Variants in RNF130 observed in about 807,000 individuals in gnomAD.
The protein encoded by RNF130 is ring finger protein 130, also known as E3 ubiquitin-protein ligase RNF130.
A neutral mutation model predicts 44.6 loss-of-function variants in RNF130; 21 were observed. That is an observed-to-expected ratio of 0.47 (90% CI 0.33 to 0.68). RNF130 has a LOEUF of 0.68. Ranked by LOEUF, RNF130 falls within the 30% of genes least tolerant of loss-of-function variation. RNF130 has a pLI of 0.02. For synonymous variants in RNF130, 214 were observed against 210.4 expected (o/e 1.02, Z -0.15); for missense variants, 479 against 560.6 (o/e 0.85, Z 1.47).
chr5:180,018,483 A>G lies in RNF130; in HGVS notation c.443-5172T>C, dbSNP rs887407601. 2.6e-5 allele frequency among the ~76,000 whole-genome samples: 4 copies of G among 152,072 alleles called. No homozygotes were observed. The East Asian group carries it at 5.8e-4, about 22-fold the overall frequency. The stretch of plus-strand genomic sequence containing the variant: ...GCTTATAAAACCATCAGATCTCATG[A>G]GACTCACTCACTAGCCATGATTCAA... On this transcript the variant is annotated intron_variant, in intron 2 of 8. Coordinates refer to ENST00000521389, the MANE Select transcript of RNF130 (RefSeq NM_018434.6).
chr5:179,930,666 G>A (rs982706066), intron 7 of RNF130, among the ~76,000 whole-genome samples: 7 of 152,164 alleles, frequency 4.6e-5, no homozygotes, highest in African/African-American at 1.2e-4. Context: ...AATGTTTGCT[G>A]TAGTTTTGAA....
At chr5:180,067,419 A>G (rs1765133275) in intron 1 of RNF130, among the ~76,000 whole-genome samples, 1 of 152,252 alleles carries the variant, frequency 6.6e-6, no homozygotes, top group South Asian at 2.1e-4. Context: ...AGAGAAGAGC[A>G]GCAGGAGGAA....
chr5:179,921,570 G>A (rs1346756863), intron 7 of RNF130, among the ~76,000 whole-genome samples: 1 of 152,166 alleles, frequency 6.6e-6, no homozygotes, highest in Non-Finnish European at 1.5e-5. Flanking sequence ...GGCCAAGGCG[G>A]GTGGATCATT....
intron 1 of RNF130, among the ~76,000 whole-genome samples, chr5:180,041,410 A>C (rs1051085040): frequency 6.6e-6 from 1 of 152,140 alleles, no homozygotes; most frequent in Non-Finnish European, 1.5e-5. Flanking sequence ...ACTGTTCTGG[A>C]TTTTTTGGGA....
At chr5:179,960,806 A>G (rs1281436993) in intron 8 of RNF130, among the ~76,000 whole-genome samples, 1 of 151,630 alleles carries the variant, frequency 6.6e-6, no homozygotes, top group Non-Finnish European at 1.5e-5. Context: ...TTACAAATGG[A>G]TGAGGTTACC....
intron 5 of RNF130, among the ~76,000 whole-genome samples, chr5:179,973,622 G>A (rs1302467656): frequency 4.6e-5 from 7 of 152,124 alleles, no homozygotes; most frequent in Admixed American, 2.6e-4. Context: ...GGCCATTCCC[G>A]CACGCCTGAC....
downstream of RNF130, among the ~76,000 whole-genome samples, chr5:179,951,909 G>A (rs950833445): frequency 6.6e-5 from 10 of 152,000 alleles, no homozygotes; most frequent in Non-Finnish European, 1.3e-4. Flanking sequence ...AGTGAAATAG[G>A]ACTCAGAGGG....
intron 2 of RNF130, among the ~76,000 whole-genome samples, chr5:180,017,256 C>T (rs1289613187): frequency 2.0e-5 from 3 of 152,202 alleles, no homozygotes; most frequent in African/African-American, 7.2e-5. Context: ...AAGAATACCA[C>T]AAGGTGATGG....
At chr5:180,006,903 G>A (rs1469467686) in intron 3 of RNF130, among the ~76,000 whole-genome samples, 2 of 152,154 alleles carry the variant, frequency 1.3e-5, no homozygotes, top group Admixed American at 6.5e-5. Context: ...TACACCTATA[G>A]ATAGTAATTA....
chr5:180,010,029 C>T (rs564783833), intron 3 of RNF130, among the ~76,000 whole-genome samples: 1 of 152,044 alleles, frequency 6.6e-6, no homozygotes, highest in African/African-American at 2.4e-5. Context: ...GGGCGGATCA[C>T]AAGGTCAGGA....
intron 1 of RNF130, among the ~76,000 whole-genome samples, chr5:180,062,353 C>A (rs546402361): frequency 6.6e-6 from 1 of 151,820 alleles, no homozygotes; most frequent in Non-Finnish European, 1.5e-5. Context: ...AGCCACTGAG[C>A]CCGGTCCCCC....
chr5:179,960,487 T>A (rs1205691230), intron 8 of RNF130, among the ~76,000 whole-genome samples: 3 of 152,102 alleles, frequency 2.0e-5, no homozygotes, highest in African/African-American at 7.2e-5. Flanking sequence ...CCGAGCGTGG[T>A]GAGGAAGGGA....
At chr5:180,040,781 T>C (rs1764389950) in intron 1 of RNF130, 134 bp from the exon 2 acceptor site, 2 of 710,120 alleles carry the variant, frequency 2.8e-6, no homozygotes, top group Admixed American at 2.9e-5. Context: ...GAGCTATGAA[T>C]ACATCCACAA....
At chr5:180,022,605 G>A (rs1289836374) in intron 2 of RNF130, among the ~76,000 whole-genome samples, 1 of 152,210 alleles carries the variant, frequency 6.6e-6, no homozygotes, top group Non-Finnish European at 1.5e-5. Context: ...TGGAAGCCAC[G>A]GCACACATCA....
chr5:180,029,646 A>C (rs1006527127), intron 2 of RNF130, among the ~76,000 whole-genome samples: 26 of 152,182 alleles, frequency 1.7e-4, no homozygotes, highest in African/African-American at 6.3e-4. Flanking sequence ...TTTTGTGAAC[A>C]ATACAGCCAT....
exon 8 of RNF130, chr5:179,913,703 A>G (rs1262524080): frequency 1.3e-5 from 2 of 152,266 alleles, no homozygotes. Context: ...CCCACAAAAA[A>G]GAGGGTGAAC....
In RNF130 at chr5:179,966,846, C is replaced by G. The variant is rs140246311; in HGVS notation, c.1110G>C (p.Glu370Asp). ...SGISPLPQDG[E>D]LTPRTGEINI... ...TGATTTCTCCTGTTCTCGGAGTGAG[C>G]TCCCCATCCTGAGGAAGAGGTGAGA... The change falls in exon 7 of 9, where the codon GAG (glutamate) becomes GAC (aspartate). Residue 370 changes from glutamate to aspartate, a missense_variant. Coordinates refer to ENST00000521389, the MANE Select transcript of RNF130 (RefSeq NM_018434.6). 2.5e-6 allele frequency: 4 copies of G among 1,614,170 alleles called. No individual in the cohort carries two copies. Among genetic ancestry groups the G allele is most frequent in the South Asian group, 1.1e-5 (1 of 91,076 alleles).
chr5:179,941,474 G>A (rs963640015), intron 7 of RNF130, among the ~76,000 whole-genome samples: 4 of 152,172 alleles, frequency 2.6e-5, no homozygotes, highest in Non-Finnish European at 5.9e-5. Context: ...GCCTGGGATG[G>A]TTATCGGGGT....
rs145655726 is a variant in RNF130, at chr5:179,961,947, T to C, written c.1244+1524A>G. On this transcript the variant is annotated intron_variant, in intron 8 of 8. Transcript: ENST00000521389. ...ATGTACCAGGCACTGTGCTAAGCAT[T>C]TTATAGGCTGATTCTCATAACAACC... 8.4e-3 allele frequency among the ~76,000 whole-genome samples: 1,284 copies of C among 152,298 alleles called. 24 individuals are homozygous for C. Among genetic ancestry groups the C allele is most frequent in the African/African-American group, 0.029 (1,224 of 41,542 alleles).
Sources: allele counts gnomAD v4.1 joint callset (sites outside exome capture counted in the v4.1 genomes callset), GRCh38; gene constraint gnomAD v4.1.1; transcripts MANE v1.5; gene names NCBI Gene and HGNC (gene_info 2026-07-23, HGNC 2026-07-21).